The following SLIT1 variants were observed in gnomAD, a reference collection of about 807,000 sequenced individuals.
SLIT1 encodes the protein slit guidance ligand 1.
In SLIT1, 66 loss-of-function variants were observed where a neutral mutation model predicts 186.1. That is an observed-to-expected ratio of 0.35 (90% CI 0.29 to 0.44). The LOEUF (loss-of-function observed/expected upper bound fraction) is 0.44, where lower values mean the gene tolerates loss of function less well. Ranked by LOEUF, SLIT1 falls within the 20% of genes least tolerant of loss-of-function variation. SLIT1 has a pLI of 1.00. For synonymous variants in SLIT1, 761 were observed against 833.8 expected, an observed-to-expected ratio of 0.91 and a Z score of 1.50; for missense variants, 1,638 against 2,037.4, an observed-to-expected ratio of 0.80 and a Z score of 3.77.
intron 8 of SLIT1, among the ~76,000 whole-genome samples, chr10:97,061,889 G>T (rs569789858): frequency 6.6e-6 from 1 of 152,226 alleles, no homozygotes; most frequent in East Asian, 1.9e-4. Context: ...TTCTAACTTC[G>T]AATATTTTCC....
intron 4 of SLIT1, among the ~76,000 whole-genome samples, chr10:97,078,666 C>T (rs1849071366): frequency 6.6e-6 from 1 of 152,230 alleles, no homozygotes; most frequent in African/African-American, 2.4e-5. Flanking sequence ...TCCTCTTCAA[C>T]TCTACCTACT....
At chr10:97,180,733 G>A (rs1850325225) in intron 1 of SLIT1, among the ~76,000 whole-genome samples, 1 of 152,218 alleles carries the variant, frequency 6.6e-6, no homozygotes, top group Admixed American at 6.5e-5. Flanking sequence ...GAGATGCCCA[G>A]GAAAGGTAAA....
chr10:97,078,271 C>T (rs964381935), intron 4 of SLIT1, among the ~76,000 whole-genome samples: 1 of 152,110 alleles, frequency 6.6e-6, no homozygotes. Flanking sequence ...ACTGAGCACC[C>T]AACATGTGCC....
chr10:97,046,939 C>T, intron 17 of SLIT1, 52 bp downstream of exon 17: 1 of 1,557,310 alleles, frequency 6.4e-7, no homozygotes, highest in South Asian at 1.1e-5. Flanking sequence ...TTTCCCTTGT[C>T]CATCCCTGGC....
intron 4 of SLIT1, among the ~76,000 whole-genome samples, chr10:97,141,757 G>A (rs375038356): frequency 0.01 from 1,508 of 149,388 alleles, 37 homozygotes; most frequent in South Asian, 0.088. Context: ...GTATCGTATC[G>A]TATCGTATTG....
At chr10:97,145,707 T>C (rs1417448019) in intron 4 of SLIT1, among the ~76,000 whole-genome samples, 1 of 152,036 alleles carries the variant, frequency 6.6e-6, no homozygotes, top group Non-Finnish European at 1.5e-5. Flanking sequence ...TTCCTTACCT[T>C]CCCTTTATCC....
At chr10:97,078,277 G>A (rs149056705) in intron 4 of SLIT1, among the ~76,000 whole-genome samples, 1 of 152,154 alleles carries the variant, frequency 6.6e-6, no homozygotes, top group East Asian at 1.9e-4. Context: ...CACCCAACAT[G>A]TGCCAGGTCC....
intron 4 of SLIT1, among the ~76,000 whole-genome samples, chr10:97,088,705 T>C (rs573401110): frequency 6.6e-5 from 10 of 152,262 alleles, no homozygotes; most frequent in African/African-American, 1.9e-4. Context: ...GCTAACATTT[T>C]TGGTAGGAAA....
rs578092969 is a variant in SLIT1, at chr10:97,040,663, G to A, written c.2165-543C>T. Among the ~76,000 whole-genome samples the A allele has an allele frequency of 3.9e-5, 6 of 152,330 alleles. No individual in the cohort carries two copies. In the East Asian group the frequency reaches 5.8e-4, roughly 15 times the overall value. The stretch of plus-strand genomic sequence containing the variant: ...TTCCATTTTATTGAGGTCTGGAGAC[G>A]TTAGGCACCTTGCTTGAATCATAAA... On this transcript the variant is annotated intron_variant, in intron 20 of 36. Transcript: ENST00000266058.
intron 5 of SLIT1, chr10:97,065,528 G>A (rs41284258): frequency 0.011 from 1,831 of 160,224 alleles, 16 homozygotes; most frequent in Non-Finnish European, 0.019. Flanking sequence ...TTGACAAAGT[G>A]TATTTATTTC....
Position 97,185,825 on chromosome 10 carries a change from G to A in SLIT1, c.-151C>T, listed in dbSNP as rs2134754303. 1 of 621,424 alleles carries A rather than the reference G, an allele frequency of 1.6e-6. No homozygotes were observed. Among genetic ancestry groups the A allele is most frequent in the South Asian group, 2.8e-5 (1 of 35,894 alleles). The allele number at this position is 621,424 out of a possible 1,614,324, so 38.5% of individuals were successfully genotyped here. Reference sequence around the variant, plus strand: ...GCCCCTGCGGGCTGGGAGGCACCTTGCTCCTCCAAGCGACGGCGCCTGTGC... The same window carrying A: ...GCCCCTGCGGGCTGGGAGGCACCTTACTCCTCCAAGCGACGGCGCCTGTGC... On this transcript the variant is annotated 5_prime_UTR_variant, in exon 1 of 37. Transcript: ENST00000266058.
chr10:97,082,191 G>A (rs899728681), intron 4 of SLIT1, among the ~76,000 whole-genome samples: 2 of 152,216 alleles, frequency 1.3e-5, no homozygotes, highest in African/African-American at 4.8e-5. Context: ...GCACAGAGAG[G>A]TGCTGAGAGG....
At chr10:97,109,843 C>T (rs1459693488) in intron 4 of SLIT1, among the ~76,000 whole-genome samples, 1 of 152,170 alleles carries the variant, frequency 6.6e-6, no homozygotes, top group African/African-American at 2.4e-5. Context: ...CAAGCTGAGC[C>T]AGCGGGCAGA....
chr10:97,145,170 C>T (rs1849803844), intron 4 of SLIT1, among the ~76,000 whole-genome samples: 1 of 152,062 alleles, frequency 6.6e-6, no homozygotes, highest in African/African-American at 2.4e-5. Context: ...GAGACAGAGT[C>T]TCACTCTGTC....
intron 1 of SLIT1, among the ~76,000 whole-genome samples, chr10:97,171,114 C>A (rs757795884): frequency 6.6e-6 from 1 of 152,214 alleles, no homozygotes; most frequent in Non-Finnish European, 1.5e-5. Context: ...CAAGCCTACT[C>A]GGGAAATGTA....
At chr10:97,018,817 CTTCATTCA>C (rs3837348) in intron 27 of SLIT1, 134 bp from the exon 28 acceptor site, 6,971 of 646,444 alleles carry the variant, frequency 0.011, 154 homozygotes, top group African/African-American at 0.067. Context: ...CATTCGTCCA[CTTCATTCA>C]TTCATTCATT....
intron 28 of SLIT1, 107 bp from the exon 29 acceptor site, chr10:97,014,265 C>T (rs1243513216): frequency 9.9e-5 from 131 of 1,317,124 alleles, no homozygotes; most frequent in East Asian, 9.2e-5. Context: ...TCCCTAATCC[C>T]GGCCAGGCCC....
chr10:97,152,305 G>A (rs900461960), intron 4 of SLIT1, among the ~76,000 whole-genome samples: 1 of 152,222 alleles, frequency 6.6e-6, no homozygotes, highest in South Asian at 2.1e-4. Flanking sequence ...CAAATTGAGG[G>A]GATGGTTGTG....
At chr10:97,089,545 T>A (rs1446890817) in intron 4 of SLIT1, among the ~76,000 whole-genome samples, 1 of 152,204 alleles carries the variant, frequency 6.6e-6, no homozygotes, top group Non-Finnish European at 1.5e-5. Context: ...GCAGGTGACC[T>A]GCCCACGGGG....
Sources: gnomAD v4.1 joint callset for allele counts (sites outside exome capture counted in the v4.1 genomes callset) on GRCh38, gnomAD v4.1.1 for gene constraint, MANE v1.5 for transcripts, NCBI Gene and HGNC (gene_info 2026-07-23, HGNC 2026-07-21) for gene names.